TMEM131L: variants seen among roughly 807,000 people sequenced by gnomAD.
The protein encoded by TMEM131L is transmembrane protein 131-like.
TMEM131L carries 54 observed loss-of-function variants against 192.2 expected under a neutral mutation model. The observed-to-expected ratio is 0.28, with a 90% CI of 0.23 to 0.35. The LOEUF is 0.35. Ranked by LOEUF, TMEM131L falls within the 10% of genes least tolerant of loss-of-function variation. TMEM131L has a pLI of 1.00. For synonymous variants in TMEM131L, 701 were observed against 704.9 expected (o/e 0.99, Z 0.09); for missense variants, 1,888 against 1,972.9 (o/e 0.96, Z 0.82).
intron 3 of TMEM131L, among the ~76,000 whole-genome samples, chr4:153,517,104 C>T (rs371985752): frequency 6.6e-6 from 1 of 152,102 alleles, no homozygotes; most frequent in East Asian, 1.9e-4. Context: ...GGATTACAGG[C>T]GTGAGCCACC....
At chr4:153,607,606 G>A (rs1732326492) in intron 25 of TMEM131L, among the ~76,000 whole-genome samples, 1 of 152,086 alleles carries the variant, frequency 6.6e-6, no homozygotes, top group Admixed American at 6.5e-5. Flanking sequence ...CCTTTAAAGG[G>A]AAAAAGGGAA....
intron 3 of TMEM131L, among the ~76,000 whole-genome samples, chr4:153,544,520 A>G (rs1291598505): frequency 4.0e-5 from 6 of 151,776 alleles, no homozygotes; most frequent in Non-Finnish European, 7.4e-5. Context: ...TACCCCTCAC[A>G]CTGGCTTCCC....
At chr4:153,628,058 T>C (rs28520017) in intron 31 of TMEM131L, among the ~76,000 whole-genome samples, 16,830 of 152,178 alleles carry the variant, frequency 0.11, 2,511 homozygotes, top group African/African-American at 0.34. Context: ...AGGAGGCTGA[T>C]TGGGGAGTGT....
At chr4:153,621,568 C>T (rs1277407764) in intron 27 of TMEM131L, 115 bp from the exon 28 acceptor site, 1 of 973,172 alleles carries the variant, frequency 1.0e-6, no homozygotes, top group African/African-American at 1.6e-5. Flanking sequence ...GAGAGGAGGA[C>T]TCCTATTGTC....
At chr4:153,611,769 C>T (rs1222300298) in intron 25 of TMEM131L, among the ~76,000 whole-genome samples, 2 of 152,184 alleles carry the variant, frequency 1.3e-5, no homozygotes, top group Admixed American at 1.3e-4. Context: ...AGCATGATGT[C>T]TTCAAGGTTC....
intron 26 of TMEM131L, among the ~76,000 whole-genome samples, chr4:153,616,174 G>C (rs1732962278): frequency 6.6e-6 from 1 of 152,170 alleles, no homozygotes; most frequent in African/African-American, 2.4e-5. Context: ...TGAGGGATGT[G>C]GATGGCATAG....
intron 2 of TMEM131L, among the ~76,000 whole-genome samples, chr4:153,472,935 G>C (rs1001685289): frequency 6.6e-6 from 1 of 152,252 alleles, no homozygotes; most frequent in Non-Finnish European, 1.5e-5. Context: ...GGAGAGGTCA[G>C]CTAAGGCTTA....
At chr4:153,530,242 A>T (rs1375976085) in intron 3 of TMEM131L, among the ~76,000 whole-genome samples, 1 of 152,152 alleles carries the variant, frequency 6.6e-6, no homozygotes, top group African/African-American at 2.4e-5. Flanking sequence ...TGGCATTAGT[A>T]TACTTAAACT....
At chr4:153,631,628 A>C (rs971358192) in intron 31 of TMEM131L, among the ~76,000 whole-genome samples, 2 of 152,314 alleles carry the variant, frequency 1.3e-5, no homozygotes, top group South Asian at 4.1e-4. Context: ...CTATGAAAAG[A>C]TAGTCCAGGA....
chr4:153,598,781 TGA>T, intron 21 of TMEM131L, 49 bp downstream of exon 21: 1 of 1,427,506 alleles, frequency 7.0e-7, no homozygotes, highest in Non-Finnish European at 9.3e-7. Context: ...GCATTAAAGC[TGA>T]GAGTGAAAGG....
chr4:153,620,242 A>G (rs1445478757), intron 26 of TMEM131L, among the ~76,000 whole-genome samples: 2 of 152,200 alleles, frequency 1.3e-5, no homozygotes, highest in African/African-American at 2.4e-5. Flanking sequence ...TCAGAACCAC[A>G]TTTTTGAAAC....
chr4:153,498,253 C>T (rs1398896592), intron 3 of TMEM131L, among the ~76,000 whole-genome samples: 1 of 152,178 alleles, frequency 6.6e-6, no homozygotes. Context: ...TGCTCTTGCA[C>T]CCTCTGAGGC....
intron 3 of TMEM131L, among the ~76,000 whole-genome samples, chr4:153,504,361 C>T (rs1272287502): frequency 3.0e-5 from 4 of 135,526 alleles, no homozygotes; most frequent in Non-Finnish European, 4.7e-5. Flanking sequence ...CTCACTGCAA[C>T]CTCCACCTTC....
intron 3 of TMEM131L, among the ~76,000 whole-genome samples, chr4:153,513,470 A>C (rs1034928121): frequency 1.8e-4 from 27 of 152,220 alleles, no homozygotes; most frequent in African/African-American, 6.5e-4. Context: ...TGAGCACTTT[A>C]GGTATCAGGC....
At chr4:153,528,735 C>T (rs1289106590) in intron 3 of TMEM131L, among the ~76,000 whole-genome samples, 1 of 152,166 alleles carries the variant, frequency 6.6e-6, no homozygotes, top group Admixed American at 6.5e-5. Context: ...TGTTTCAGAG[C>T]TTCCAAGCCT....
intron 26 of TMEM131L, among the ~76,000 whole-genome samples, chr4:153,612,621 T>G (rs1045022960): frequency 6.6e-6 from 1 of 152,202 alleles, no homozygotes; most frequent in South Asian, 2.1e-4. Flanking sequence ...CTGAAGAGAA[T>G]CTGTTCTTAA....
intron 7 of TMEM131L, among the ~76,000 whole-genome samples, chr4:153,571,552 A>G (rs1729589833): frequency 6.6e-6 from 1 of 151,964 alleles, no homozygotes; most frequent in Admixed American, 6.6e-5. Context: ...ATGGTTTCTT[A>G]ATTATTTTTA....
intron 3 of TMEM131L, among the ~76,000 whole-genome samples, chr4:153,493,345 CAAAAAAA>C (rs35052272): frequency 6.3e-4 from 46 of 72,866 alleles, no homozygotes; most frequent in African/African-American, 2.5e-3. Context: ...GACTCTGTCT[CAAAAAAA>C]AAAAAAAAAA....
At chr4:153,473,188 G>A (rs1056401201) in intron 2 of TMEM131L, among the ~76,000 whole-genome samples, 1 of 152,210 alleles carries the variant, frequency 6.6e-6, no homozygotes, top group Non-Finnish European at 1.5e-5. Context: ...GCCATAGTAG[G>A]TTCTTGAGCA....
Sources: gnomAD v4.1 joint callset for allele counts (sites outside exome capture counted in the v4.1 genomes callset) on GRCh38, gnomAD v4.1.1 for gene constraint, MANE v1.5 for transcripts, NCBI Gene and HGNC (gene_info 2026-07-23, HGNC 2026-07-21) for gene names.